Variants in NALF1 observed in about 807,000 individuals in gnomAD.
NALF1 encodes the protein family with sequence similarity 155 member A.
In NALF1, 3 loss-of-function variants were observed where a neutral mutation model predicts 48.4. That is an observed-to-expected ratio of 0.06 (90% CI 0.03 to 0.16). NALF1 has a LOEUF of 0.16. NALF1 is among the 10% of genes least tolerant of loss of function. The probability of loss-of-function intolerance (pLI) is 1.00; values close to 1 mark genes in which losing one functional copy is unlikely to be tolerated. For missense variants in NALF1, 526 were observed against 571.5 expected (o/e 0.92, Z 0.81); for synonymous variants, 262 against 245.7 (o/e 1.07, Z -0.62).
rs115189948 is a variant in NALF1 at position 107,201,110 on chromosome 13, C to T, written c.1087+9474G>A. ...CAAAAACTGGCCTTTCCATGTGATC[C>T]CTTCCAAGGTCTATGATATGTGCAT... On this transcript the variant is annotated intron_variant, in intron 2 of 2. Transcript: ENST00000375915. Among the ~76,000 whole-genome samples the T allele has an allele frequency of 2.5e-3, 377 of 152,248 alleles. 1 individual carries two copies. Among genetic ancestry groups the T allele is most frequent in the African/African-American group, 8.5e-3 (353 of 41,542 alleles).
rs1878770964 is a variant in NALF1 at position 107,170,264 on chromosome 13, AAC to A, written c.*231_*232del. The A allele has an allele frequency of 4.4e-6, 2 of 454,730 alleles. No individual in the cohort carries two copies. Among genetic ancestry groups the A allele is most frequent in the Admixed American group, 3.7e-5 (1 of 27,166 alleles). The allele number at this position is 454,730 out of a possible 1,614,324, so 28.2% of individuals were successfully genotyped here. ...AGCAAATAAAACCTCCAAACATTAAAACACAGTGTATAAAATGGTGTGAGAAA... is the reference window on the plus strand; with the variant it reads ...AGCAAATAAAACCTCCAAACATTAAAACAGTGTATAAAATGGTGTGAGAAA... On this transcript the variant is annotated 3_prime_UTR_variant, in exon 3 of 3. Coordinates refer to ENST00000375915, the MANE Select transcript of NALF1 (RefSeq NM_001080396.3).
intron 1 of NALF1, among the ~76,000 whole-genome samples, chr13:107,310,731 A>C (rs1882028430): frequency 6.6e-6 from 1 of 152,040 alleles, no homozygotes; most frequent in Non-Finnish European, 1.5e-5. Flanking sequence ...AGTCTGGAGT[A>C]CAGTAGCGTG....
intron 1 of NALF1, among the ~76,000 whole-genome samples, chr13:107,237,428 T>G (rs914980603): frequency 6.6e-6 from 1 of 152,148 alleles, no homozygotes; most frequent in African/African-American, 2.4e-5. Context: ...TAGCTGTCCC[T>G]TGGCATCCTC....
chr13:107,614,078 C>T (rs1319419943), intron 1 of NALF1, among the ~76,000 whole-genome samples: 1 of 152,134 alleles, frequency 6.6e-6, no homozygotes, highest in East Asian at 1.9e-4. Context: ...GTTCACTTTG[C>T]TCATTAGATT....
intron 2 of NALF1, among the ~76,000 whole-genome samples, chr13:107,173,643 C>A (rs887628909): frequency 2.0e-5 from 3 of 152,178 alleles, no homozygotes; most frequent in African/African-American, 7.2e-5. Flanking sequence ...TTCCCTGTAT[C>A]CTGTGCCTCG....
At chr13:107,736,598 C>A (rs143046036) in intron 1 of NALF1, among the ~76,000 whole-genome samples, 1,528 of 152,262 alleles carry the variant, frequency 0.01, 14 homozygotes, top group Middle Eastern at 0.02. Flanking sequence ...ATTTTACACT[C>A]CCACTGTTCA....
chr13:107,259,776 A>G (rs1234339936), intron 1 of NALF1, among the ~76,000 whole-genome samples: 1 of 152,242 alleles, frequency 6.6e-6, no homozygotes, highest in African/African-American at 2.4e-5. Flanking sequence ...ACCTATGAGT[A>G]GTAGATAGTC....
intron 1 of NALF1, among the ~76,000 whole-genome samples, chr13:107,733,012 C>T (rs1876358296): frequency 6.6e-6 from 1 of 152,084 alleles, no homozygotes; most frequent in African/African-American, 2.4e-5. Flanking sequence ...GTGCTAATTT[C>T]ATGGATTAAT....
At chr13:107,483,632 T>C (rs1885286016) in intron 1 of NALF1, among the ~76,000 whole-genome samples, 1 of 152,116 alleles carries the variant, frequency 6.6e-6, no homozygotes, top group Admixed American at 6.6e-5. Flanking sequence ...AACTGTATAA[T>C]TTTGGTTCTA....
At chr13:107,753,004 C>A (rs1388861188) in intron 1 of NALF1, among the ~76,000 whole-genome samples, 1 of 152,130 alleles carries the variant, frequency 6.6e-6, no homozygotes. Context: ...TTTTGTTCCC[C>A]ACATGGATGT....
rs551639730 is a variant in NALF1, at chr13:107,803,311, T to C, written c.915+62371A>G. On this transcript the variant is annotated intron_variant, in intron 1 of 2. Coordinates refer to ENST00000375915, the MANE Select transcript of NALF1 (RefSeq NM_001080396.3). ...CAAAAATTTAATGACATTATATTTC[T>C]ATATTAAATATAACGTGGTCAATTT... 1.7e-3 allele frequency among the ~76,000 whole-genome samples: 260 copies of C among 152,282 alleles called. 3 individuals are homozygous for C. The highest frequency in any genetic ancestry group is 2.2e-3 in the Non-Finnish European group (149 of 68,024).
intron 1 of NALF1, among the ~76,000 whole-genome samples, chr13:107,646,919 T>C (rs1254419073): frequency 6.6e-6 from 1 of 152,084 alleles, no homozygotes; most frequent in Non-Finnish European, 1.5e-5. Flanking sequence ...CATAATATTT[T>C]AGTAAAGATT....
At chr13:107,378,245 G>A (rs1883373287) in intron 1 of NALF1, among the ~76,000 whole-genome samples, 1 of 152,086 alleles carries the variant, frequency 6.6e-6, no homozygotes, top group East Asian at 1.9e-4. Flanking sequence ...TTACAAATAT[G>A]AATAGTATAT....
chr13:107,170,807 A>C, intron 2 of NALF1, 21 bp from the exon 3 acceptor site: 1 of 1,608,748 alleles, frequency 6.2e-7, no homozygotes, highest in East Asian at 2.2e-5. Flanking sequence ...AAGGAAGTAG[A>C]GTGTCAGCAG....
chr13:107,497,828 C>T (rs1048606861), intron 1 of NALF1, among the ~76,000 whole-genome samples: 2 of 152,128 alleles, frequency 1.3e-5, no homozygotes, highest in Non-Finnish European at 2.9e-5. Context: ...TAATTAATAA[C>T]TAAATATGTT....
intron 1 of NALF1, among the ~76,000 whole-genome samples, chr13:107,536,511 A>T (rs1429379949): frequency 6.6e-6 from 1 of 152,180 alleles, no homozygotes; most frequent in African/African-American, 2.4e-5. Context: ...GAGAAATGCA[A>T]ATCAAAACTA....
At chr13:107,838,517 G>A (rs2138633155) in intron 1 of NALF1, among the ~76,000 whole-genome samples, 1 of 152,208 alleles carries the variant, frequency 6.6e-6, no homozygotes, top group South Asian at 2.1e-4. Context: ...ACATTTTAAG[G>A]CATTTCAAAT....
At chr13:107,488,483 A>G (rs552867186) in intron 1 of NALF1, among the ~76,000 whole-genome samples, 1 of 152,296 alleles carries the variant, frequency 6.6e-6, no homozygotes, top group East Asian at 1.9e-4. Flanking sequence ...AAATCAATAA[A>G]TGTGATTCAT....
intron 1 of NALF1, among the ~76,000 whole-genome samples, chr13:107,636,062 C>T (rs1012133375): frequency 1.2e-4 from 18 of 151,978 alleles, no homozygotes; most frequent in African/African-American, 3.4e-4. Flanking sequence ...AAAGTAATTG[C>T]GGCTTTTGCC....
Sources: gnomAD v4.1 joint callset for allele counts (sites outside exome capture counted in the v4.1 genomes callset) on GRCh38, gnomAD v4.1.1 for gene constraint, MANE v1.5 for transcripts, NCBI Gene and HGNC (gene_info 2026-07-23, HGNC 2026-07-21) for gene names.